MED12L: variants seen among roughly 807,000 people sequenced by gnomAD.
MED12L encodes the protein mediator of RNA polymerase II transcription subunit 12-like protein.
In MED12L, 60 loss-of-function variants were observed where a neutral mutation model predicts 281.3. That is an observed-to-expected ratio of 0.21 (90% CI 0.17 to 0.26). The LOEUF is 0.26. Among genes scored for constraint, MED12L ranks in the 10% least tolerant of loss-of-function variants. The pLI is 1.00. For missense variants in MED12L, 2,146 were observed against 2,680.9 expected (o/e 0.80, Z 4.41); for synonymous variants, 974 against 987.2 (o/e 0.99, Z 0.25).
At chr3:151,170,277 C>CTTTTT (rs113849929) in intron 11 of MED12L, among the ~76,000 whole-genome samples, 1 of 137,772 alleles carries the variant, frequency 7.3e-6, no homozygotes, top group African/African-American at 2.6e-5. Flanking sequence ...TTTTCTTTTT[C>CTTTTT]TTTTTTTTTT....
chr3:151,306,184 G>A (rs1466317034), intron 16 of MED12L, among the ~76,000 whole-genome samples: 1 of 152,136 alleles, frequency 6.6e-6, no homozygotes, highest in Non-Finnish European at 1.5e-5. Flanking sequence ...CCCTTCTTCT[G>A]TGTCTCTCCT....
chr3:151,338,381 G>C lies in MED12L; in HGVS notation c.2251-11678G>C. 6.2e-7 allele frequency: 1 copy of C among 1,614,092 alleles called. No homozygotes were observed. Among genetic ancestry groups the C allele is most frequent in the Non-Finnish European group, 8.5e-7 (1 of 1,180,008 alleles). ...TGGTCAGAATCATGTTAGGCAAAGA[G>C]AGTAAGAACATGAATGCCCAGATGA... On this transcript the variant is annotated intron_variant, in intron 16 of 44. Transcript: ENST00000687756.
At chr3:151,291,157 T>TG in intron 16 of MED12L, among the ~76,000 whole-genome samples, 1 of 136,518 alleles carries the variant, frequency 7.3e-6, no homozygotes, top group Admixed American at 7.4e-5. Context: ...TCTGTTTTTT[T>TG]TTTTTTTTGT....
At chr3:151,203,607 C>A (rs999038747) in intron 16 of MED12L, among the ~76,000 whole-genome samples, 2 of 151,458 alleles carry the variant, frequency 1.3e-5, no homozygotes, top group African/African-American at 2.4e-5. Flanking sequence ...CCTGCTGAGA[C>A]ACCTATTATT....
chr3:151,204,065 C>T (rs1474338769), intron 16 of MED12L, among the ~76,000 whole-genome samples: 3 of 152,200 alleles, frequency 2.0e-5, no homozygotes, highest in African/African-American at 7.2e-5. Flanking sequence ...GCCTAGCATG[C>T]TGGGGGACCT....
intron 4 of MED12L, among the ~76,000 whole-genome samples, chr3:151,124,372 A>G (rs747951581): frequency 1.3e-5 from 2 of 152,168 alleles, no homozygotes; most frequent in Admixed American, 6.5e-5. Context: ...GTAAGCCCTG[A>G]TGTTAATTCT....
At chr3:151,299,641 G>A (rs1745634945) in intron 16 of MED12L, among the ~76,000 whole-genome samples, 1 of 151,554 alleles carries the variant, frequency 6.6e-6, no homozygotes, top group African/African-American at 2.4e-5. Flanking sequence ...ACCACACCTG[G>A]CTAATTTTTT....
intron 4 of MED12L, among the ~76,000 whole-genome samples, chr3:151,126,817 C>G (rs1441498252): frequency 6.6e-6 from 1 of 152,114 alleles, no homozygotes; most frequent in Non-Finnish European, 1.5e-5. Flanking sequence ...AATTGTTTTG[C>G]TTTATCCTTA....
At chr3:151,115,437 C>A (rs1712611297) in intron 2 of MED12L, among the ~76,000 whole-genome samples, 1 of 139,720 alleles carries the variant, frequency 7.2e-6, no homozygotes, top group East Asian at 2.1e-4. Context: ...CAACCTCCGC[C>A]TCCCAGGTTC....
chr3:151,377,459 A>G (rs758761851), intron 30 of MED12L, among the ~76,000 whole-genome samples: 1 of 152,222 alleles, frequency 6.6e-6, no homozygotes, highest in Non-Finnish European at 1.5e-5. Flanking sequence ...AGTATTCATT[A>G]TATGGGAAAC....
At chr3:151,350,275 C>CA in intron 17 of MED12L, 69 bp downstream of exon 17, 1 of 1,507,860 alleles carries the variant, frequency 6.6e-7, no homozygotes, top group South Asian at 1.2e-5. Context: ...CAGTCTTTAT[C>CA]AAAGTGTTCT....
chr3:151,236,566 A>T (rs1420930762), intron 16 of MED12L, among the ~76,000 whole-genome samples: 6 of 152,112 alleles, frequency 3.9e-5, no homozygotes, highest in Non-Finnish European at 7.4e-5. Context: ...TCCCACCCCC[A>T]TGCCATCTCT....
At chr3:151,086,772 A>T (rs1425011886) in intron 1 of MED12L, 26 bp from the exon 2 acceptor site, 1 of 590,978 alleles carries the variant, frequency 1.7e-6, no homozygotes, top group Non-Finnish European at 3.0e-6. Flanking sequence ...GCAGCATCCA[A>T]CCTGCTTTAT....
intron 2 of MED12L, among the ~76,000 whole-genome samples, chr3:151,097,953 G>A (rs1720931672): frequency 6.6e-6 from 1 of 152,236 alleles, no homozygotes; most frequent in African/African-American, 2.4e-5. Context: ...CTGGAACTTG[G>A]AGGGTGTGTA....
At chr3:151,185,942 TACAC>T (rs911178168) in intron 12 of MED12L, among the ~76,000 whole-genome samples, 27 of 152,192 alleles carry the variant, frequency 1.8e-4, no homozygotes, top group Middle Eastern at 3.4e-3. Context: ...ACACAAAACA[TACAC>T]ACACATGTGC....
At chr3:151,232,533 A>G (rs894466522) in intron 16 of MED12L, among the ~76,000 whole-genome samples, 1 of 152,228 alleles carries the variant, frequency 6.6e-6, no homozygotes, top group Non-Finnish European at 1.5e-5. Context: ...ACATGGAATC[A>G]ACTTAAATGT....
rs763240590 is a variant in MED12L at position 151,430,288 on chromosome 3, C to T, written c.6409-11C>T. 39 of 1,613,878 alleles carry T rather than the reference C, an allele frequency of 2.4e-5. No homozygotes were observed. The highest frequency in any genetic ancestry group is 8.0e-5 in the African/African-American group (6 of 74,910). Reference sequence around the variant, plus strand: ...GAATGATTTCTGTCCTTTCTCCTGTCGCCATTACAGTTTCCCAGGCAAGGC... The same window carrying T: ...GAATGATTTCTGTCCTTTCTCCTGTTGCCATTACAGTTTCCCAGGCAAGGC... On this transcript the variant is annotated splice_polypyrimidine_tract_variant and intron_variant, in intron 43 of 44. Coordinates refer to ENST00000687756, the MANE Select transcript of MED12L (RefSeq NM_001393769.1).
chr3:151,172,656 C>G (rs1390015989), intron 11 of MED12L, among the ~76,000 whole-genome samples: 1 of 152,172 alleles, frequency 6.6e-6, no homozygotes, highest in Non-Finnish European at 1.5e-5. Context: ...CATTTAAATG[C>G]TTAGGTTTTG....
At chr3:151,117,692 A>G (rs1192118283) in intron 3 of MED12L, among the ~76,000 whole-genome samples, 1 of 147,126 alleles carries the variant, frequency 6.8e-6, no homozygotes, top group East Asian at 2.0e-4. Flanking sequence ...TTTCTACAAT[A>G]CTTTTTGCCC....
Sources: allele counts gnomAD v4.1 joint callset (sites outside exome capture counted in the v4.1 genomes callset), GRCh38; gene constraint gnomAD v4.1.1; transcripts MANE v1.5; gene names NCBI Gene and HGNC (gene_info 2026-07-23, HGNC 2026-07-21).